Variants in NREP observed in about 807,000 individuals in gnomAD.
The protein encoded by NREP is neuronal regeneration-related protein.
NREP carries 5 observed loss-of-function variants against 8.6 expected under a neutral mutation model. The observed-to-expected ratio is 0.58, with a 90% CI of 0.30 to 1.22. The LOEUF is 1.22. NREP is among the 50% of genes most tolerant of loss of function. NREP has a pLI of 0.07. For missense variants in NREP, 86 were observed against 82.5 expected (o/e 1.04, Z -0.17); for synonymous variants, 27 against 28.0 (o/e 0.96, Z 0.11).
intron 2 of NREP, among the ~76,000 whole-genome samples, chr5:111,923,190 C>T (rs1362012845): frequency 6.6e-6 from 1 of 152,122 alleles, no homozygotes; most frequent in Non-Finnish European, 1.5e-5. Flanking sequence ...AATTCAAGTG[C>T]CCTTGTGAGA....
At chr5:111,861,196 C>G (rs560865052) in intron 2 of NREP, among the ~76,000 whole-genome samples, 3 of 152,136 alleles carry the variant, frequency 2.0e-5, no homozygotes, top group Admixed American at 6.5e-5. Context: ...TCCTAGAGCA[C>G]CTGCCATGAG....
intron 2 of NREP, among the ~76,000 whole-genome samples, chr5:111,936,535 C>T (rs1755688016): frequency 6.6e-6 from 1 of 152,080 alleles, no homozygotes; most frequent in Non-Finnish European, 1.5e-5. Context: ...AGGGCCCATC[C>T]TATCCCAGTA....
At chr5:111,830,459 G>A (rs1358094053) in intron 2 of NREP, among the ~76,000 whole-genome samples, 1 of 152,234 alleles carries the variant, frequency 6.6e-6, no homozygotes, top group Non-Finnish European at 1.5e-5. Context: ...GAGGAATCAA[G>A]AGATAGCGAA....
chr5:111,922,156 G>A (rs548660972), intron 2 of NREP, among the ~76,000 whole-genome samples: 1 of 152,278 alleles, frequency 6.6e-6, no homozygotes, highest in East Asian at 1.9e-4. Context: ...AGGACCATGG[G>A]AAGGAGAGTA....
intron 2 of NREP, among the ~76,000 whole-genome samples, chr5:111,949,274 T>A (rs1156441858): frequency 2.6e-5 from 4 of 151,658 alleles, no homozygotes; most frequent in African/African-American, 9.7e-5. Context: ...AGACAAAGAG[T>A]TGAGGTGATT....
intron 2 of NREP, among the ~76,000 whole-genome samples, chr5:111,891,219 A>T (rs1243124227): frequency 2.6e-5 from 4 of 152,248 alleles, no homozygotes; most frequent in African/African-American, 9.6e-5. Context: ...TTCTACAAAT[A>T]TCTAGGGCAG....
At chr5:111,879,199 C>T (rs932502005) in intron 2 of NREP, among the ~76,000 whole-genome samples, 5 of 152,152 alleles carry the variant, frequency 3.3e-5, no homozygotes, top group African/African-American at 9.7e-5. Context: ...TGCCTACTGC[C>T]GTGAGTATAA....
At chr5:111,954,951 C>T (rs1756266211) in intron 2 of NREP, among the ~76,000 whole-genome samples, 1 of 152,120 alleles carries the variant, frequency 6.6e-6, no homozygotes, top group Non-Finnish European at 1.5e-5. Flanking sequence ...CTAAAAAGAG[C>T]AGGATGGGAG....
intron 2 of NREP, among the ~76,000 whole-genome samples, chr5:111,791,282 A>G (rs1751740034): frequency 6.6e-6 from 1 of 152,188 alleles, no homozygotes; most frequent in South Asian, 2.1e-4. Flanking sequence ...TATTAACAAT[A>G]ATCACCACAT....
chr5:111,767,640 C>CA (rs1023538663), intron 2 of NREP, among the ~76,000 whole-genome samples: 2 of 151,892 alleles, frequency 1.3e-5, no homozygotes, highest in Non-Finnish European at 2.9e-5. Flanking sequence ...TGTGTTTTTC[C>CA]AAAAAAATTA....
chr5:111,916,973 CT>C (rs943172741), intron 2 of NREP, among the ~76,000 whole-genome samples: 1 of 152,114 alleles, frequency 6.6e-6, no homozygotes, highest in African/African-American at 2.4e-5. Context: ...AGGAAAGTTT[CT>C]GCCCGCTTGG....
chr5:111,734,835 C>A, intron 3 of NREP: 1 of 538,950 alleles, frequency 1.9e-6, no homozygotes, highest in South Asian at 2.7e-5. Context: ...CCAGTATCTA[C>A]AGTAAAAACT....
chr5:111,816,135 C>T (rs1436342731), intron 2 of NREP, among the ~76,000 whole-genome samples: 4 of 152,088 alleles, frequency 2.6e-5, no homozygotes, highest in Non-Finnish European at 5.9e-5. Context: ...ATCAAAAATG[C>T]TATTTCTGAT....
intron 2 of NREP, among the ~76,000 whole-genome samples, chr5:111,881,086 G>A (rs529412125): frequency 7.7e-4 from 118 of 152,366 alleles, no homozygotes; most frequent in Admixed American, 1.6e-3. Flanking sequence ...AGAAAGTGGT[G>A]ACAGACGGCA....
At chr5:111,959,328 G>C (rs1359628069) in intron 2 of NREP, among the ~76,000 whole-genome samples, 1 of 151,996 alleles carries the variant, frequency 6.6e-6, no homozygotes, top group African/African-American at 2.4e-5. Context: ...TAAGTGAGTA[G>C]TGATTAGAGA....
chr5:111,830,858 T>G (rs1265773332), intron 2 of NREP, among the ~76,000 whole-genome samples: 1 of 152,194 alleles, frequency 6.6e-6, no homozygotes, highest in Non-Finnish European at 1.5e-5. Flanking sequence ...AAAGCTAATG[T>G]GATTTTATTG....
chr5:111,900,186 A>G (rs1050808743), intron 2 of NREP, among the ~76,000 whole-genome samples: 2 of 152,034 alleles, frequency 1.3e-5, no homozygotes, highest in Non-Finnish European at 2.9e-5. Context: ...CAACATGCTC[A>G]TGGGTCAAGG....
chr5:111,941,912 A>C lies in NREP; in HGVS notation c.135+33362T>G, dbSNP rs185997839. Among the ~76,000 whole-genome samples, 7 of 152,204 alleles carry C rather than the reference A, an allele frequency of 4.6e-5. No individual in the cohort carries two copies. The East Asian group carries it at 1.4e-3, about 30-fold the overall frequency. Reference sequence around the variant, plus strand: ...AGACATGTCTATGTGTTATATCACCACAATAATATACTCACTACTTCTTAG... The same window carrying C: ...AGACATGTCTATGTGTTATATCACCCCAATAATATACTCACTACTTCTTAG... On this transcript the variant is annotated intron_variant, in intron 2 of 3. Coordinates refer to the NREP transcript ENST00000395634.
chr5:111,939,130 C>T (rs1755761548), intron 2 of NREP, among the ~76,000 whole-genome samples: 2 of 152,020 alleles, frequency 1.3e-5, no homozygotes, highest in African/African-American at 4.8e-5. Flanking sequence ...TTTCTACCCT[C>T]TCCCTACGAC....
Sources: allele counts gnomAD v4.1 joint callset (sites outside exome capture counted in the v4.1 genomes callset), GRCh38; gene constraint gnomAD v4.1.1; transcripts MANE v1.5; gene names NCBI Gene and HGNC (gene_info 2026-07-23, HGNC 2026-07-21).